The following ARID3A variants were observed in gnomAD, a reference collection of about 807,000 sequenced individuals.
ARID3A encodes AT-rich interaction domain 3A.
In ARID3A, 11 loss-of-function variants were observed where a neutral mutation model predicts 52.7. The ratio of observed to expected loss-of-function variants is 0.21; its 90% CI spans 0.13 to 0.35. ARID3A has a LOEUF of 0.35. ARID3A is among the 10% of genes least tolerant of loss of function. The pLI, the probability that ARID3A is intolerant of heterozygous loss-of-function variation, is 1.00. For missense variants in ARID3A, 721 were observed against 838.5 expected, an observed-to-expected ratio of 0.86 and a Z score of 1.73; for synonymous variants, 404 against 359.4, an observed-to-expected ratio of 1.12 and a Z score of -1.40.
chr19:939,940 C>T (rs1456525996), intron 3 of ARID3A, among the ~76,000 whole-genome samples: 2 of 152,102 alleles, frequency 1.3e-5, no homozygotes, highest in Non-Finnish European at 2.9e-5. Context: ...GGAGACAGAG[C>T]TGGATGTGAA....
chr19:933,093 C>T (rs879716976), intron 3 of ARID3A, among the ~76,000 whole-genome samples: 8 of 152,042 alleles, frequency 5.3e-5, no homozygotes, highest in South Asian at 2.1e-4. Context: ...ACCAGGCCTG[C>T]GGGCGATGCG....
intron 4 of ARID3A, among the ~76,000 whole-genome samples, chr19:961,054 T>TCTCCC: frequency 6.6e-6 from 1 of 152,102 alleles, no homozygotes; most frequent in African/African-American, 2.4e-5. Context: ...GAGCGTCTGC[T>TCTCCC]GCCAGGTAGG....
intron 1 of ARID3A, among the ~76,000 whole-genome samples, chr19:927,000 CA>C (rs2037214642): frequency 6.6e-6 from 1 of 151,984 alleles, no homozygotes; most frequent in Admixed American, 6.5e-5. Flanking sequence ...CAGGCCCCCC[CA>C]ACCCAGGACT....
intron 1 of ARID3A, among the ~76,000 whole-genome samples, chr19:926,431 C>T (rs1332809543): frequency 1.3e-5 from 2 of 150,958 alleles, no homozygotes; most frequent in African/African-American, 4.9e-5. Flanking sequence ...CAGGGGCGAT[C>T]GGGGGTCGCG....
intron 4 of ARID3A, among the ~76,000 whole-genome samples, chr19:961,162 C>T (rs903990542): frequency 3.9e-5 from 6 of 152,140 alleles, no homozygotes; most frequent in Admixed American, 3.3e-4. Context: ...CCACAGAGGT[C>T]GGAAGGGGTG....
At chr19:962,791 A>G (rs957362175) in intron 4 of ARID3A, among the ~76,000 whole-genome samples, 1 of 152,130 alleles carries the variant, frequency 6.6e-6, no homozygotes, top group African/African-American at 2.4e-5. Context: ...CTGGAATGAC[A>G]GGCTTGAGCC....
At chr19:936,916 G>A (rs980603964) in intron 3 of ARID3A, among the ~76,000 whole-genome samples, 3 of 152,008 alleles carry the variant, frequency 2.0e-5, no homozygotes, top group African/African-American at 7.3e-5. Flanking sequence ...CCAGCCCCTG[G>A]CAACCACACA....
intron 7 of ARID3A, 138 bp downstream of exon 7, chr19:967,006 C>G (rs1233015116): frequency 1.1e-5 from 13 of 1,138,604 alleles, no homozygotes; most frequent in Non-Finnish European, 1.5e-5. Context: ...ATCTGTAATC[C>G]CAGCACTTTG....
chr19:937,856 G>A lies in ARID3A; in HGVS notation c.693+5114G>A, dbSNP rs542655764. Among the ~76,000 whole-genome samples, 18 of 151,898 alleles carry A rather than the reference G, an allele frequency of 1.2e-4. No individual in the cohort carries two copies. In the East Asian group the frequency reaches 3.3e-3, roughly 28 times the overall value. On this transcript the variant is annotated intron_variant, in intron 3 of 8. Coordinates refer to ENST00000263620, the MANE Select transcript of ARID3A (RefSeq NM_005224.3). The stretch of plus-strand genomic sequence containing the variant: ...CGAGTAGCTGGGACTACAGGCACCT[G>A]CCACCACGCCCAGCTAATTTTTTTG...
At chr19:968,676 G>A (rs1022096410) in intron 8 of ARID3A, 173 bp downstream of exon 8, 21 of 596,022 alleles carry the variant, frequency 3.5e-5, no homozygotes, top group African/African-American at 7.5e-5. Flanking sequence ...GGATACCATC[G>A]TTCACCCGGT....
rs78191835 is a variant in ARID3A at position 944,827 on chromosome 19, C to T, written c.693+12085C>T. 0.011 allele frequency among the ~76,000 whole-genome samples: 1,705 copies of T among 152,292 alleles called. 25 individuals carry two copies. The highest frequency in any genetic ancestry group is 0.038 in the African/African-American group (1,598 of 41,558). On this transcript the variant is annotated intron_variant, in intron 3 of 8. Coordinates refer to ENST00000263620, the MANE Select transcript of ARID3A (RefSeq NM_005224.3). This position sits in a 1 kb window ranked among gnomAD's most constrained non-coding sequence, Gnocchi z 5.9. Reference sequence around the variant, plus strand: ...ATTTTTTGGAGACAGGGTCTTGCTGCGTTGCCCAGGCTGAACTCCTGAGCT... The same window carrying T: ...ATTTTTTGGAGACAGGGTCTTGCTGTGTTGCCCAGGCTGAACTCCTGAGCT...
In ARID3A at chr19:941,091, G is replaced by A. The variant is rs1014254466; in HGVS notation, c.693+8349G>A. Among the ~76,000 whole-genome samples, 1 of 152,136 alleles carries A rather than the reference G, an allele frequency of 6.6e-6. No homozygotes were observed. Among genetic ancestry groups the A allele is most frequent in the African/African-American group, 2.4e-5 (1 of 41,448 alleles). On this transcript the variant is annotated intron_variant, in intron 3 of 8. Coordinates refer to ENST00000263620, the MANE Select transcript of ARID3A (RefSeq NM_005224.3). This position sits in a 1 kb window ranked among gnomAD's most constrained non-coding sequence, Gnocchi z 6.9. ...GCCTGGCCCCACGCCCACCGCCGGCGTCCCACCCTGGTGGCTGCTGCCAAG... is the reference window on the plus strand; with the variant it reads ...GCCTGGCCCCACGCCCACCGCCGGCATCCCACCCTGGTGGCTGCTGCCAAG...
Position 973,110 on chromosome 19 carries a change from T to C in ARID3A, c.*1045T>C, listed in dbSNP as rs1279784524. 7 of 118,792 alleles carry C rather than the reference T, an allele frequency of 5.9e-5. 1 individual carries two copies. In the East Asian group the frequency reaches 7.9e-4, roughly 13 times the overall value. 7.4% of individuals were successfully genotyped at this position (118,792 alleles called of 1,614,324 possible). On this transcript the variant is annotated 3_prime_UTR_variant, in exon 9 of 9. Coordinates refer to ENST00000263620, the MANE Select transcript of ARID3A (RefSeq NM_005224.3). ...TCGAGTCAGGGGCCTGGAAATTTTT[T>C]TTTTTTTTTTTTTTTGAGACGGAGT...
chr19:936,660 G>T (rs140643223), intron 3 of ARID3A, among the ~76,000 whole-genome samples: 1 of 152,040 alleles, frequency 6.6e-6, no homozygotes, highest in Non-Finnish European at 1.5e-5. Context: ...GGCTAACACG[G>T]TGAAACCCTG....
At chr19:966,382 C>T (rs566171547) in intron 6 of ARID3A, among the ~76,000 whole-genome samples, 190 bp from the exon 7 acceptor site, 6 of 148,336 alleles carry the variant, frequency 4.0e-5, no homozygotes, top group East Asian at 4.0e-4. Context: ...CACTTGAACC[C>T]GGGAGGCAGA....
chr19:927,315 G>T (rs368563732), intron 1 of ARID3A, among the ~76,000 whole-genome samples: 5 of 151,128 alleles, frequency 3.3e-5, no homozygotes, highest in South Asian at 2.1e-4. Context: ...AGGGCTCTTG[G>T]GGGGAGGGGT....
rs373860821 is a variant in ARID3A, at chr19:938,714, C to A, written c.693+5972C>A. On this transcript the variant is annotated intron_variant, in intron 3 of 8. Coordinates refer to ENST00000263620, the MANE Select transcript of ARID3A (RefSeq NM_005224.3). This position sits in a 1 kb window ranked among gnomAD's most constrained non-coding sequence, Gnocchi z 4.0. ...GTGGGCACTGGGGCAGGGACGGCCA[C>A]CAGCAGCCTCTCAGGCTCAAGGCCA... is the stretch of plus-strand genomic sequence containing the variant. Among the ~76,000 whole-genome samples the A allele has an allele frequency of 3.5e-4, 54 of 152,320 alleles. No homozygotes were observed. Among genetic ancestry groups the A allele is most frequent in the Middle Eastern group, 6.8e-3 (2 of 294 alleles).
At chr19:953,195 T>C (rs776559169) in intron 3 of ARID3A, among the ~76,000 whole-genome samples, 3 of 152,146 alleles carry the variant, frequency 2.0e-5, no homozygotes, top group Non-Finnish European at 2.9e-5. Flanking sequence ...CTGGGACTTA[T>C]CTTGCACCCT....
At chr19:931,465 A>AAAC (rs2037326374) in intron 2 of ARID3A, among the ~76,000 whole-genome samples, 1 of 151,442 alleles carries the variant, frequency 6.6e-6, no homozygotes, top group African/African-American at 2.4e-5. Flanking sequence ...AAAAAAAAAA[A>AAAC]AACAACCAAA....
Sources: gnomAD v4.1 joint callset for allele counts (sites outside exome capture counted in the v4.1 genomes callset) on GRCh38, gnomAD v4.1.1 for gene constraint, Gnocchi (gnomAD v3.1) non-coding constraint, MANE v1.5 for transcripts, NCBI Gene and HGNC (gene_info 2026-07-23, HGNC 2026-07-21) for gene names.